Variants in WWOX observed in about 807,000 individuals in gnomAD.
WWOX encodes WW domain-containing oxidoreductase.
Under a neutral mutation model 46.2 loss-of-function variants are expected in WWOX, and 69 were observed. The observed-to-expected ratio is 1.49, with a 90% CI of 1.23 to 1.82. WWOX has a LOEUF of 1.82. Ranked by LOEUF, WWOX falls within the 40% of genes most tolerant of loss-of-function variation. WWOX has a pLI of 0.00. For missense variants in WWOX, 919 were observed against 542.6 expected (o/e 1.69, Z -6.89); for synonymous variants, 359 against 202.6 (o/e 1.77, Z -6.56).
intron 6 of WWOX, among the ~76,000 whole-genome samples, chr16:78,395,875 C>T (rs1406135355): frequency 6.6e-6 from 1 of 152,040 alleles, no homozygotes; most frequent in Admixed American, 6.5e-5. Flanking sequence ...GCTTAGATTC[C>T]ATTTTCTTTG....
chr16:78,372,456 T>A (rs1408901537), intron 5 of WWOX, among the ~76,000 whole-genome samples: 3 of 152,192 alleles, frequency 2.0e-5, no homozygotes, highest in African/African-American at 7.2e-5. Context: ...AGAAACATGT[T>A]GCTCCATGAC....
chr16:79,160,471 A>G (rs969965256), intron 8 of WWOX, among the ~76,000 whole-genome samples: 112 of 147,880 alleles, frequency 7.6e-4, no homozygotes, highest in African/African-American at 2.8e-3. Context: ...CCTCGATATT[A>G]ATATCAATAA....
At chr16:78,311,338 C>T (rs550830101) in intron 5 of WWOX, among the ~76,000 whole-genome samples, 2 of 152,106 alleles carry the variant, frequency 1.3e-5, no homozygotes, top group Non-Finnish European at 2.9e-5. Flanking sequence ...GAACACTTAA[C>T]AGAGTCAAGC....
chr16:78,532,715 C>T (rs191532583), intron 8 of WWOX, among the ~76,000 whole-genome samples: 33 of 152,214 alleles, frequency 2.2e-4, no homozygotes, highest in African/African-American at 7.7e-4. Flanking sequence ...CAAGAAAGAA[C>T]TTGTGTAGGG....
At chr16:79,097,932 G>T (rs991397808) in intron 8 of WWOX, among the ~76,000 whole-genome samples, 9 of 152,140 alleles carry the variant, frequency 5.9e-5, no homozygotes, top group Admixed American at 2.0e-4. Flanking sequence ...AAAATGATAA[G>T]TCAGGTCCTG....
chr16:79,062,242 T>C (rs1475470946), intron 8 of WWOX, among the ~76,000 whole-genome samples: 1 of 152,174 alleles, frequency 6.6e-6, no homozygotes, highest in Non-Finnish European at 1.5e-5. Context: ...AAAACCATAA[T>C]GGGACATATC....
intron 8 of WWOX, among the ~76,000 whole-genome samples, chr16:79,002,267 A>G (rs546259704): frequency 3.8e-4 from 42 of 110,966 alleles, no homozygotes; most frequent in African/African-American, 1.5e-3. Context: ...CTTCTTGCCC[A>G]GGCTGGAGTG....
chr16:78,738,038 A>G (rs1438579204), intron 8 of WWOX, among the ~76,000 whole-genome samples: 1 of 152,230 alleles, frequency 6.6e-6, no homozygotes, highest in Non-Finnish European at 1.5e-5. Context: ...TTCTGTGGCC[A>G]TAAGCAAGTC....
chr16:79,113,054 G>T (rs1283606356), intron 8 of WWOX, among the ~76,000 whole-genome samples: 1 of 152,218 alleles, frequency 6.6e-6, no homozygotes, highest in Admixed American at 6.5e-5. Context: ...ATGGTGAACG[G>T]CACAGTCATG....
chr16:78,613,616 C>G (rs758551858), intron 8 of WWOX, among the ~76,000 whole-genome samples: 32 of 152,168 alleles, frequency 2.1e-4, no homozygotes, highest in Non-Finnish European at 1.0e-4. Context: ...ATTCAAGATG[C>G]AATCACCACT....
chr16:78,957,130 G>T (rs1244857003), intron 8 of WWOX, among the ~76,000 whole-genome samples: 9 of 152,278 alleles, frequency 5.9e-5, no homozygotes, highest in Non-Finnish European at 1.2e-4. Context: ...TATGCAGAAG[G>T]TTGAAAACAC....
At chr16:78,171,171 G>A (rs1403189832) in intron 5 of WWOX, among the ~76,000 whole-genome samples, 1 of 152,172 alleles carries the variant, frequency 6.6e-6, no homozygotes, top group Non-Finnish European at 1.5e-5. Context: ...ACTGACACCT[G>A]TGTTTTCATT....
intron 8 of WWOX, among the ~76,000 whole-genome samples, chr16:78,925,939 T>G (rs1177177612): frequency 6.6e-6 from 1 of 152,090 alleles, no homozygotes; most frequent in Non-Finnish European, 1.5e-5. Flanking sequence ...AGACCATGAA[T>G]GCGATTGGGC....
chr16:78,619,631 G>C (rs78345446), intron 8 of WWOX, among the ~76,000 whole-genome samples: 2 of 151,934 alleles, frequency 1.3e-5, no homozygotes, highest in African/African-American at 2.4e-5. Context: ...TGAATTGGGC[G>C]TGGTGGCTCA....
chr16:78,930,270 TCTCTCTTTC>T (rs1567656761), intron 8 of WWOX, among the ~76,000 whole-genome samples: 5 of 54,688 alleles, frequency 9.1e-5, no homozygotes, highest in African/African-American at 1.5e-4. Flanking sequence ...TTCCTTCCTT[TCTCTCTTTC>T]TTTTTTTATT....
intron 8 of WWOX, among the ~76,000 whole-genome samples, chr16:78,866,045 C>G (rs776158716): frequency 6.6e-6 from 1 of 152,184 alleles, no homozygotes; most frequent in Non-Finnish European, 1.5e-5. Flanking sequence ...GTCATAGACT[C>G]ACTGCATTGC....
intron 4 of WWOX, among the ~76,000 whole-genome samples, chr16:78,156,228 T>C (rs1217494388): frequency 6.6e-6 from 1 of 151,906 alleles, no homozygotes; most frequent in African/African-American, 2.4e-5. Context: ...TCTTGTCAGA[T>C]GTGCCCTTTC....
intron 8 of WWOX, among the ~76,000 whole-genome samples, chr16:78,985,934 C>A (rs1212441363): frequency 6.6e-6 from 1 of 152,206 alleles, no homozygotes; most frequent in African/African-American, 2.4e-5. Context: ...CCTTGACTGG[C>A]CGAGAAATGC....
chr16:78,144,519 ATATATTTT>A lies in WWOX; in HGVS notation c.410-19662_410-19655del, dbSNP rs1307398126. 6.3e-4 allele frequency among the ~76,000 whole-genome samples: 22 copies of A among 34,682 alleles called. 2 individuals are homozygous for A. The highest frequency in any genetic ancestry group is 2.2e-3 in the African/African-American group (21 of 9,390). 22.8% of individuals were successfully genotyped at this position (34,682 alleles called of 152,430 possible). On this transcript the variant is annotated intron_variant, in intron 4 of 8. Coordinates refer to ENST00000566780, the MANE Select transcript of WWOX (RefSeq NM_016373.4). ...CACACACATATATATATATATATAT[ATATATTTT>A]TTTTTTTTTTTGGAGATGGAGTTTT... is the stretch of plus-strand genomic sequence containing the variant.
Sources: allele counts gnomAD v4.1 joint callset (sites outside exome capture counted in the v4.1 genomes callset), GRCh38; gene constraint gnomAD v4.1.1; transcripts MANE v1.5; gene names NCBI Gene and HGNC (gene_info 2026-07-23, HGNC 2026-07-21).